The following KIF3A variants were observed in gnomAD, a reference collection of about 807,000 sequenced individuals.
KIF3A encodes the protein kinesin family member 3A, also known as kinesin-like protein KIF3A.
Under a neutral mutation model 92.6 loss-of-function variants are expected in KIF3A, and 27 were observed. The ratio of observed to expected loss-of-function variants is 0.29; its 90% confidence interval spans 0.21 to 0.40. The LOEUF (loss-of-function observed/expected upper bound fraction) is 0.40. Ranked by LOEUF, KIF3A falls within the 10% of genes least tolerant of loss-of-function variation. KIF3A has a pLI of 1.00. For missense variants in KIF3A, 581 were observed against 872.6 expected (o/e 0.67, Z 4.21); for synonymous variants, 250 against 275.4 (o/e 0.91, Z 0.92).
At chr5:132,698,203 G>A (rs550962407) in intron 18 of KIF3A, among the ~76,000 whole-genome samples, 2 of 152,060 alleles carry the variant, frequency 1.3e-5, no homozygotes, top group African/African-American at 2.4e-5. Flanking sequence ...CATGTAACTT[G>A]AAAGTCCATG....
intron 2 of KIF3A, among the ~76,000 whole-genome samples, 158 bp downstream of exon 2, chr5:132,734,047 A>G (rs9784675): frequency 0.33 from 49,407 of 151,978 alleles, 11,107 homozygotes; most frequent in East Asian, 0.75. Flanking sequence ...GGAAATTTTG[A>G]GGATGACAAG....
chr5:132,703,642 A>G (rs1237145969), intron 11 of KIF3A, 23 bp from the exon 12 acceptor site: 5 of 1,559,888 alleles, frequency 3.2e-6, no homozygotes, highest in Middle Eastern at 1.7e-4. Context: ...TTTAATTGCA[A>G]CAATCACTAA....
At position 132,737,397 on chromosome 5, in the gene KIF3A, G is replaced by A. The variant is rs1370884711; in HGVS notation, c.6+17C>T. On this transcript the variant is annotated intron_variant, in intron 1 of 18. Coordinates refer to ENST00000403231, the MANE Select transcript of KIF3A (RefSeq NM_001300791.2). ...TAGGATGAGAAGAAACCCCAGAAGC[G>A]AAGCGACTCTCCTCACCGGCATCTT... is the stretch of plus-strand genomic sequence containing the variant. 6.2e-7 allele frequency: 1 copy of A among 1,605,454 alleles called. No homozygotes were observed. The highest frequency in any genetic ancestry group is 1.7e-5 in the Admixed American group (1 of 59,406).
Position 132,693,504 on chromosome 5 carries a change from A to G in KIF3A, c.*3130T>C, listed in dbSNP as rs1752728906. 1.3e-5 allele frequency: 2 copies of G among 152,752 alleles called. No homozygotes were observed. The highest frequency in any genetic ancestry group is 4.8e-5 in the African/African-American group (2 of 41,444). The allele number at this position is 152,752 out of a possible 1,614,324, so 9.5% of individuals were successfully genotyped here. A position where few individuals can be genotyped will look rare whatever the true frequency, so the allele number is the denominator to read the frequency against. ...TGTGCCACTCATTTTAAATCTGCAT[A>G]TTTATTTCAAAAAATGAGCAAGTGT... On this transcript the variant is annotated 3_prime_UTR_variant, in exon 19 of 19. Coordinates refer to ENST00000403231, the MANE Select transcript of KIF3A (RefSeq NM_001300791.2).
intron 1 of KIF3A, 79 bp downstream of exon 1, chr5:132,737,335 C>A: frequency 6.6e-7 from 1 of 1,517,696 alleles, no homozygotes; most frequent in Admixed American, 2.0e-5. Context: ...CGGCTCCGCG[C>A]CTCCATGGCA....
At chr5:132,691,988 TAA>T (rs963411309), downstream of KIF3A, among the ~76,000 whole-genome samples, 1 of 147,982 alleles carries the variant, frequency 6.8e-6, no homozygotes, top group African/African-American at 2.5e-5. Context: ...AAAATTTAAT[TAA>T]AAAAAAAGTT....
chr5:132,706,960 T>C (rs933282034), intron 10 of KIF3A, among the ~76,000 whole-genome samples: 14 of 152,170 alleles, frequency 9.2e-5, no homozygotes, highest in South Asian at 2.1e-4. Context: ...GGATCTATTA[T>C]AGGCATGCTT....
At chr5:132,719,617 G>A (rs182112259) in intron 5 of KIF3A, among the ~76,000 whole-genome samples, 1,770 of 151,534 alleles carry the variant, frequency 0.012, 37 homozygotes, top group African/African-American at 0.038. Flanking sequence ...ACAGCCTCCC[G>A]AGTAACTGGG....
chr5:132,732,164 G>GT (rs1162429711), intron 2 of KIF3A, among the ~76,000 whole-genome samples: 12 of 152,200 alleles, frequency 7.9e-5, no homozygotes, highest in African/African-American at 2.7e-4. Flanking sequence ...CAAAAAGACA[G>GT]TAACAAGTGC....
chr5:132,702,309 G>C, intron 14 of KIF3A, 97 bp from the exon 15 acceptor site: 1 of 1,155,408 alleles, frequency 8.7e-7, no homozygotes, highest in Non-Finnish European at 1.2e-6. Context: ...AACCTTGTGA[G>C]AGCTTACCTA....
chr5:132,716,990 A>G lies in KIF3A; in HGVS notation c.617-6T>C. On this transcript the variant is annotated splice_polypyrimidine_tract_variant and splice_region_variant and intron_variant, in intron 5 of 18. Transcript: ENST00000403231. Reference sequence around the variant, plus strand: ...ATTAGTTGCACCAACAGAACCTTTAATAAATAAACGAAATCCTTTAAAAGT... The same window carrying G: ...ATTAGTTGCACCAACAGAACCTTTAGTAAATAAACGAAATCCTTTAAAAGT... 1 of 1,611,958 alleles carries G rather than the reference A, an allele frequency of 6.2e-7. No individual in the cohort carries two copies. Among genetic ancestry groups the G allele is most frequent in the Non-Finnish European group, 8.5e-7 (1 of 1,178,960 alleles).
intron 2 of KIF3A, 22 bp from the exon 3 acceptor site, chr5:132,726,520 A>C (rs1406058434): frequency 1.2e-6 from 2 of 1,606,734 alleles, no homozygotes; most frequent in Non-Finnish European, 1.7e-6. Flanking sequence ...GAAGAGAATC[A>C]GTTACTTCTT....
At chr5:132,728,191 G>T (rs1052349124) in intron 2 of KIF3A, among the ~76,000 whole-genome samples, 2 of 151,532 alleles carry the variant, frequency 1.3e-5, no homozygotes, top group Non-Finnish European at 2.9e-5. Context: ...TATGTGCTAG[G>T]TCATGTACTT....
chr5:132,708,221 G>A (rs1753288370), intron 10 of KIF3A, among the ~76,000 whole-genome samples: 1 of 149,226 alleles, frequency 6.7e-6, no homozygotes. Flanking sequence ...GGCGGAGCTT[G>A]CAGTGAGCCA....
At chr5:132,703,123 T>C (rs1753098148) in intron 12 of KIF3A, 58 bp from the exon 13 acceptor site, 3 of 1,426,216 alleles carry the variant, frequency 2.1e-6, no homozygotes, top group African/African-American at 1.5e-5. Context: ...TCTACTAATA[T>C]CATTTCCCAA....
Position 132,700,698 on chromosome 5 carries a change from T to C in KIF3A, c.1887A>G (p.Glu629=). Residue 629 remains glutamate (E), a splice_region_variant and synonymous_variant, in exon 16 of 19, where the codon GAA becomes GAG. Transcript: ENST00000403231. ...TCCAATGGACATAGTTTTCAATCAT[T>C]TCCTTTTAAAAGGGTGAAAGATAGC... The part of the protein sequence containing the change: ...IDNFIPRDYQ[E]MIENYVHWNE... 2 of 1,588,630 alleles carry C rather than the reference T, an allele frequency of 1.3e-6. No homozygotes were observed. The highest frequency in any genetic ancestry group is 2.2e-5 in the East Asian group (1 of 44,748).
Position 132,696,666 on chromosome 5 carries a change from G to T in KIF3A, c.2149C>A (p.Pro717Thr). ...KTGRRKRSAKPETVIDSLLQ is the reference protein window; with the variant it reads ...KTGRRKRSAKTETVIDSLLQ ...AGTAAAGAGTCAATTACAGTTTCAG[G>T]CTTTGCAGAACGCTTTCTGTTTGGA... The change falls in exon 19 of 19, where the codon CCT becomes ACT. Residue 717 changes from proline to threonine, a missense_variant. Pro to Thr is a conservative substitution (Grantham distance 38, BLOSUM62 -1). This residue lies in a region of KIF3A where 112 missense variants were observed against 144.3 expected (regional missense o/e 0.78). Transcript: ENST00000403231. The T allele has an allele frequency of 6.2e-7, 1 of 1,610,782 alleles. No individual in the cohort carries two copies. Among genetic ancestry groups the T allele is most frequent in the South Asian group, 1.1e-5 (1 of 90,914 alleles).
At chr5:132,735,498 T>C (rs747481244) in intron 1 of KIF3A, among the ~76,000 whole-genome samples, 105 of 152,344 alleles carry the variant, frequency 6.9e-4, no homozygotes, top group Admixed American at 2.8e-3. Flanking sequence ...CTTCTAAGCA[T>C]TGAAGAGAAA....
chr5:132,719,594 C>T (rs1308876327), intron 5 of KIF3A, among the ~76,000 whole-genome samples: 1 of 151,696 alleles, frequency 6.6e-6, no homozygotes, highest in Non-Finnish European at 1.5e-5. Context: ...CTGGTTAAAA[C>T]GATTCTCCTG....
Sources: allele counts gnomAD v4.1 joint callset (sites outside exome capture counted in the v4.1 genomes callset), GRCh38; gene constraint gnomAD v4.1.1; regional missense constraint gnomAD v4.1.1; transcripts MANE v1.5; gene names NCBI Gene and HGNC (gene_info 2026-07-23, HGNC 2026-07-21).